Variants in USP43 observed in about 807,000 individuals in gnomAD.
The protein encoded by USP43 is ubiquitin specific peptidase 43.
In USP43, 33 loss-of-function variants were observed where a neutral mutation model predicts 90.7. The ratio of observed to expected loss-of-function variants is 0.36; its 90% CI spans 0.28 to 0.49. The LOEUF (loss-of-function observed/expected upper bound fraction) is 0.49, where lower values mean the gene tolerates loss of function less well. Among genes scored for constraint, USP43 ranks in the 20% least tolerant of loss-of-function variants. The pLI is 0.98. For missense variants in USP43, 1,274 were observed against 1,476.4 expected (o/e 0.86, Z 2.25); for synonymous variants, 598 against 615.8 (o/e 0.97, Z 0.43).
intron 8 of USP43, among the ~76,000 whole-genome samples, chr17:9,691,567 C>T (rs1299716529): frequency 6.6e-6 from 1 of 152,006 alleles, no homozygotes; most frequent in African/African-American, 2.4e-5. Flanking sequence ...TGTTCAAGCC[C>T]CTCCTTGCGA....
chr17:9,645,937 G>A lies in USP43; in HGVS notation c.305G>A (p.Gly102Asp). The change falls in exon 1 of 15, where the codon GGC (glycine) becomes GAC (aspartate). Residue 102 changes from glycine to aspartate, a missense_variant. By Grantham distance (94) the Gly-to-Asp change is moderately conservative. Coordinates refer to ENST00000285199, the MANE Select transcript of USP43 (RefSeq NM_153210.5). The surrounding 1 kb of genome is among the most constrained non-coding windows in gnomAD (Gnocchi z 6.8). ...GDGARPPGAQGLKNHGNTCFM... is the reference protein window; with the variant it reads ...GDGARPPGAQDLKNHGNTCFM... The stretch of plus-strand genomic sequence containing the variant: ...GGGGCGCGGCCGCCGGGCGCTCAGG[G>A]CTTGAAGAACCACGGCAACACCTGT... The A allele has an allele frequency of 6.8e-7, 1 of 1,480,966 alleles. No homozygotes were observed. The highest frequency in any genetic ancestry group is 1.3e-5 in the South Asian group (1 of 75,400). The allele number at this position is 1,480,966 out of a possible 1,614,324, so 91.7% of individuals were successfully genotyped here.
At position 9,701,095 on chromosome 17, in the gene USP43, G is replaced by A. The variant is rs555349255; in HGVS notation, c.1536-24G>A. On this transcript the variant is annotated intron_variant, in intron 10 of 14. Coordinates refer to ENST00000285199, the MANE Select transcript of USP43 (RefSeq NM_153210.5). This position sits in a 1 kb window ranked among gnomAD's most constrained non-coding sequence, Gnocchi z 7.2. ...GTCTGGGAGCAGGAAAGTCCTGAACGCCGTGGGTGTCCTCTCCGTGCAGCC... is the reference window on the plus strand; with the variant it reads ...GTCTGGGAGCAGGAAAGTCCTGAACACCGTGGGTGTCCTCTCCGTGCAGCC... The A allele has an allele frequency of 1.2e-5, 17 of 1,448,628 alleles. 1 individual carries two copies. Among genetic ancestry groups the A allele is most frequent in the African/African-American group, 1.4e-5 (1 of 69,910 alleles). The allele number at this position is 1,448,628 out of a possible 1,614,324, so 89.7% of individuals were successfully genotyped here.
At chr17:9,676,996 G>T in intron 5 of USP43, 115 bp downstream of exon 5, 1 of 1,348,106 alleles carries the variant, frequency 7.4e-7, no homozygotes, top group Non-Finnish European at 9.9e-7. Flanking sequence ...TATGACTCAT[G>T]GGTTTCTGGT....
In USP43 at chr17:9,674,852, G is replaced by A. The variant is rs111628801; in HGVS notation, c.741-39G>A. The A allele has an allele frequency of 5.7e-4, 880 of 1,544,996 alleles. 4 individuals carry two copies. In the African/African-American group the frequency reaches 9.1e-3, roughly 16 times the overall value. On this transcript the variant is annotated intron_variant, in intron 3 of 14. Transcript: ENST00000285199. This position sits in a 1 kb window ranked among gnomAD's most constrained non-coding sequence, Gnocchi z 4.4. ...TGAATTTTACCCCCAAATTGTTTAC[G>A]TGTGATTAAACGTTCGCCTCTGTTC...
At chr17:9,651,374 T>C (rs1447388175) in intron 1 of USP43, among the ~76,000 whole-genome samples, 1 of 152,072 alleles carries the variant, frequency 6.6e-6, no homozygotes. Context: ...GTATTTGTAG[T>C]AGAGACAGGG....
chr17:9,679,549 G>A (rs1420539970), intron 5 of USP43, among the ~76,000 whole-genome samples: 12 of 127,550 alleles, frequency 9.4e-5, no homozygotes, highest in African/African-American at 2.6e-4. Flanking sequence ...TTTTAATGAC[G>A]GAGTCTCGCT....
chr17:9,714,062 G>C (rs1322693451), intron 14 of USP43, among the ~76,000 whole-genome samples: 1 of 152,306 alleles, frequency 6.6e-6, no homozygotes, highest in Middle Eastern at 3.4e-3. Flanking sequence ...CACGTGCAGA[G>C]TTCACAATAG....
Position 9,728,950 on chromosome 17 carries a change from C to CT in USP43, c.3335dup (p.Leu1112PhefsTer21), listed in dbSNP as rs1917434480. On this transcript the variant is annotated frameshift_variant, in exon 15 of 15. Coordinates refer to ENST00000285199, the MANE Select transcript of USP43 (RefSeq NM_153210.5). LOFTEE classifies it high-confidence loss of function. The surrounding 1 kb of genome is among the most constrained non-coding windows in gnomAD (Gnocchi z 6.2). Reference sequence around the variant, plus strand: ...CAGAGAGTCAAATATCACACTCTTTCTTTAGGTCGAAAGAAAACCTTACCG... The same window carrying CT: ...CAGAGAGTCAAATATCACACTCTTTCTTTTAGGTCGAAAGAAAACCTTACCG... 1 of 1,594,830 alleles carries CT rather than the reference C, an allele frequency of 6.3e-7. No homozygotes were observed. The highest frequency in any genetic ancestry group is 1.3e-5 in the African/African-American group (1 of 74,204).
chr17:9,724,938 G>A (rs1423655164), intron 14 of USP43, among the ~76,000 whole-genome samples: 1 of 79,316 alleles, frequency 1.3e-5, no homozygotes, highest in East Asian at 8.5e-4. Flanking sequence ...GCGGGGGGCA[G>A]GGGGGCACTA....
intron 12 of USP43, among the ~76,000 whole-genome samples, chr17:9,703,588 A>T (rs1381257751): frequency 6.6e-6 from 1 of 152,228 alleles, no homozygotes; most frequent in Non-Finnish European, 1.5e-5. Context: ...GAGCCTGTTT[A>T]ATACTAAAAG....
chr17:9,694,458 C>T (rs1411990839), intron 9 of USP43, among the ~76,000 whole-genome samples: 4 of 152,112 alleles, frequency 2.6e-5, no homozygotes, highest in Non-Finnish European at 1.5e-5. Context: ...CTAATTGTCA[C>T]CAGCCCGTGA....
At position 9,674,868 on chromosome 17, in the gene USP43, G is replaced by T. The variant is rs1245093650; in HGVS notation, c.741-23G>T. The T allele has an allele frequency of 1.4e-5, 22 of 1,599,720 alleles. No individual in the cohort carries two copies. The highest frequency in any genetic ancestry group is 1.8e-5 in the Non-Finnish European group (21 of 1,167,234). On this transcript the variant is annotated intron_variant, in intron 3 of 14. Coordinates refer to ENST00000285199, the MANE Select transcript of USP43 (RefSeq NM_153210.5). This position sits in a 1 kb window ranked among gnomAD's most constrained non-coding sequence, Gnocchi z 4.4. ...ATTGTTTACGTGTGATTAAACGTTCGCCTCTGTTCTTCACCCTCACAGATC... is the reference window on the plus strand; with the variant it reads ...ATTGTTTACGTGTGATTAAACGTTCTCCTCTGTTCTTCACCCTCACAGATC...
At chr17:9,689,045 C>T (rs921025048) in intron 8 of USP43, among the ~76,000 whole-genome samples, 6 of 152,114 alleles carry the variant, frequency 3.9e-5, no homozygotes, top group African/African-American at 1.4e-4. Flanking sequence ...AATACTAATA[C>T]GGGCAACCTT....
chr17:9,709,646 G>A lies in USP43; in HGVS notation c.2012-310G>A, dbSNP rs190049464. 6.6e-6 allele frequency among the ~76,000 whole-genome samples: 1 copy of A among 152,216 alleles called. No individual in the cohort carries two copies. The highest frequency in any genetic ancestry group is 1.5e-5 in the Non-Finnish European group (1 of 68,028). On this transcript the variant is annotated intron_variant, in intron 12 of 14. Transcript: ENST00000285199. The surrounding 1 kb of genome is among the most constrained non-coding windows in gnomAD (Gnocchi z 5.0). The stretch of plus-strand genomic sequence containing the variant: ...CAGGAGAATCACTGGAACCCGGGGG[G>A]TGGAGGTTGCCGTGAGCCGAGATCG...
intron 14 of USP43, among the ~76,000 whole-genome samples, chr17:9,715,111 G>T (rs1009534058): frequency 6.6e-6 from 1 of 152,298 alleles, no homozygotes; most frequent in Admixed American, 6.5e-5. Context: ...CAGATGATCA[G>T]GTCTACAGGG....
At chr17:9,713,474 A>G (rs761700762) in intron 14 of USP43, among the ~76,000 whole-genome samples, 5 of 151,978 alleles carry the variant, frequency 3.3e-5, no homozygotes, top group African/African-American at 4.8e-5. Context: ...CCTCCATAAA[A>G]TCAACTTTTT....
Position 9,645,579 on chromosome 17 carries a change from C to T in USP43, c.-54C>T, listed in dbSNP as rs1911311853. ...GAGAAGCTGTAGGGCCTGCTGGCCGCTCGTCCGCCTCGCGCCCGGGGGCTC... is the reference window on the plus strand; with the variant it reads ...GAGAAGCTGTAGGGCCTGCTGGCCGTTCGTCCGCCTCGCGCCCGGGGGCTC... On this transcript the variant is annotated 5_prime_UTR_variant, in exon 1 of 15. Coordinates refer to ENST00000285199, the MANE Select transcript of USP43 (RefSeq NM_153210.5). The surrounding 1 kb of genome is among the most constrained non-coding windows in gnomAD (Gnocchi z 6.8). The T allele has an allele frequency of 4.3e-6, 5 of 1,171,058 alleles. No homozygotes were observed. Among genetic ancestry groups the T allele is most frequent in the Non-Finnish European group, 5.3e-6 (5 of 949,638 alleles). The allele number at this position is 1,171,058 out of a possible 1,614,324, so 72.5% of individuals were successfully genotyped here.
rs977193598 is a variant in USP43 at position 9,700,292 on chromosome 17, C to T, written c.1535+43C>T. ...TGCCACCTGCAGAGCTGAGACAGGG[C>T]CTGTGTGTGCCCAGGTTTCCCTGGA... On this transcript the variant is annotated intron_variant, in intron 10 of 14. Transcript: ENST00000285199. 1.9e-6 allele frequency: 3 copies of T among 1,543,396 alleles called. No individual in the cohort carries two copies. In the African/African-American group the frequency reaches 4.1e-5, roughly 21 times the overall value.
chr17:9,706,481 C>T (rs1263905721), intron 12 of USP43, among the ~76,000 whole-genome samples: 1 of 152,002 alleles, frequency 6.6e-6, no homozygotes, highest in Non-Finnish European at 1.5e-5. Context: ...TAGCTTATTA[C>T]ATTTAAATCC....
Sources: allele counts gnomAD v4.1 joint callset (sites outside exome capture counted in the v4.1 genomes callset), GRCh38; gene constraint gnomAD v4.1.1; non-coding constraint Gnocchi (gnomAD v3.1); transcripts MANE v1.5; gene names NCBI Gene and HGNC (gene_info 2026-07-23, HGNC 2026-07-21).